UAP1: variants seen among roughly 807,000 people sequenced by gnomAD.
The protein encoded by UAP1 is UDP-N-acetylglucosamine pyrophosphorylase 1, also known as UDP-N-acetylhexosamine pyrophosphorylase.
Under a neutral mutation model 58.5 loss-of-function variants are expected in UAP1, and 25 were observed. The ratio of observed to expected loss-of-function variants is 0.43; its 90% CI spans 0.31 to 0.60. The LOEUF (loss-of-function observed/expected upper bound fraction) is 0.60. Among genes scored for constraint, UAP1 ranks in the 20% least tolerant of loss-of-function variants. The pLI is 0.11. For missense variants in UAP1, 575 were observed against 630.0 expected (o/e 0.91, Z 0.93); for synonymous variants, 208 against 213.0 (o/e 0.98, Z 0.21).
At chr1:162,595,845 A>T (rs1429948568) in intron 9 of UAP1, among the ~76,000 whole-genome samples, 7 of 151,920 alleles carry the variant, frequency 4.6e-5, no homozygotes, top group Non-Finnish European at 1.5e-5. Flanking sequence ...TTTATTTTTT[A>T]TTTATTATTG....
chr1:162,587,854 A>G (rs1654997529), intron 6 of UAP1, 186 bp downstream of exon 6: 2 of 580,948 alleles, frequency 3.4e-6, no homozygotes, highest in Middle Eastern at 5.0e-4. Context: ...TAAGGTGGGA[A>G]TCATCGGAGC....
chr1:162,591,899 C>T (rs993849526), intron 8 of UAP1, among the ~76,000 whole-genome samples: 1 of 152,010 alleles, frequency 6.6e-6, no homozygotes, highest in Admixed American at 6.6e-5. Flanking sequence ...ATACACCCGC[C>T]TTGGCCACCC....
intron 2 of UAP1, among the ~76,000 whole-genome samples, chr1:162,568,485 G>C (rs1280948868): frequency 1.3e-5 from 2 of 152,204 alleles, no homozygotes; most frequent in Admixed American, 6.5e-5. Context: ...AAAGAGTTTA[G>C]AAGTTTAAAA....
chr1:162,590,228 C>A, intron 7 of UAP1, 95 bp from the exon 8 acceptor site: 1 of 922,558 alleles, frequency 1.1e-6, no homozygotes, highest in Non-Finnish European at 1.6e-6. Context: ...AATAGGAAAG[C>A]CTATTGTTGA....
intron 2 of UAP1, among the ~76,000 whole-genome samples, chr1:162,572,089 TGTA>T (rs1272921819): frequency 5.3e-5 from 8 of 152,230 alleles, no homozygotes; most frequent in Non-Finnish European, 1.0e-4. Flanking sequence ...AGAGATGAGA[TGTA>T]AATGGATATC....
intron 1 of UAP1, among the ~76,000 whole-genome samples, chr1:162,564,357 A>C (rs1321247748): frequency 6.6e-6 from 1 of 152,214 alleles, no homozygotes; most frequent in African/African-American, 2.4e-5. Flanking sequence ...TAAGTGGCTC[A>C]GCTTAGCCTA....
chr1:162,590,736 T>C (rs994608027), intron 8 of UAP1, among the ~76,000 whole-genome samples: 4 of 152,156 alleles, frequency 2.6e-5, no homozygotes, highest in African/African-American at 7.2e-5. Flanking sequence ...CTTTTTTTAA[T>C]TTTTATTTTT....
chr1:162,579,484 A>G lies in UAP1; in HGVS notation c.542A>G (p.His181Arg), dbSNP rs951087637. Residue 181 changes from histidine to arginine, a missense_variant, in exon 4 of 11, where the codon CAC becomes CGC. Coordinates refer to ENST00000271469, the Ensembl canonical transcript of UAP1. ...TCTACAAAGGAGTTCTTCACCAAGC[A>G]CAAGTACTTTGGTTTAAAAAAAGAG... 3.1e-6 allele frequency: 5 copies of G among 1,611,286 alleles called. No individual in the cohort carries two copies. In the African/African-American group the frequency reaches 6.7e-5, roughly 22 times the overall value.
chr1:162,568,163 A>G (rs913301466), intron 2 of UAP1, among the ~76,000 whole-genome samples: 37 of 152,118 alleles, frequency 2.4e-4, no homozygotes, highest in African/African-American at 8.7e-4. Flanking sequence ...TATAGTCTAT[A>G]TTTACAACAT....
At chr1:162,579,591 T>G in exon 4 of UAP1, 1 of 1,590,510 alleles carries the variant, frequency 6.3e-7, no homozygotes, top group Non-Finnish European at 8.6e-7. Context: ...GAACAAAGTT[T>G]CTATGGCTCC....
rs576813379 is a variant in UAP1, at chr1:162,588,943, C to T, written c.1169+110C>T. 8 of 1,084,352 alleles carry T rather than the reference C, an allele frequency of 7.4e-6. No individual in the cohort carries two copies. The East Asian group carries it at 1.8e-4, about 25-fold the overall frequency. 67.2% of individuals were successfully genotyped at this position (1,084,352 alleles called of 1,614,324 possible). ...GAAACATTTGATAGCACATATCTCA[C>T]ATGGCATTTTGATTGTGAGTATGTA... On this transcript the variant is annotated intron_variant, in intron 7 of 10. Coordinates refer to ENST00000271469, the Ensembl canonical transcript of UAP1.
At chr1:162,599,452 G>A in exon 11 of UAP1, 1 of 823,340 alleles carries the variant, frequency 1.2e-6, no homozygotes, top group Non-Finnish European at 2.0e-6. Flanking sequence ...TTGGACAACT[G>A]AAGTTTAAAT....
intron 5 of UAP1, among the ~76,000 whole-genome samples, chr1:162,583,146 CTTTTTTTTTTT>C (rs11376471): frequency 4.4e-5 from 3 of 68,044 alleles, no homozygotes; most frequent in Non-Finnish European, 2.5e-5. Context: ...TGGTGTCACT[CTTTTTTTTTTT>C]TTTTTTTTTT....
intron 9 of UAP1, chr1:162,597,352 C>CT (rs1250463725): frequency 6.5e-6 from 1 of 154,584 alleles, no homozygotes; most frequent in Non-Finnish European, 1.4e-5. Context: ...GATAGTACAG[C>CT]TTTAGAATGT....
At chr1:162,579,307 G>A in intron 3 of UAP1, 121 bp from the exon 4 acceptor site, 1 of 664,594 alleles carries the variant, frequency 1.5e-6, no homozygotes. Flanking sequence ...AAATATGAAG[G>A]AAGTCAAAAT....
chr1:162,571,135 T>G (rs1293877782), intron 2 of UAP1, among the ~76,000 whole-genome samples: 1 of 151,724 alleles, frequency 6.6e-6, no homozygotes, highest in Non-Finnish European at 1.5e-5. Context: ...TTTGTTTGTT[T>G]GTTTGTTTTT....
intron 9 of UAP1, among the ~76,000 whole-genome samples, chr1:162,596,336 C>T (rs965279006): frequency 1.3e-5 from 2 of 151,156 alleles, no homozygotes; most frequent in Admixed American, 6.6e-5. Context: ...CCACCACACC[C>T]GGCTAATTTT....
intron 4 of UAP1, 116 bp from the exon 5 acceptor site, chr1:162,581,171 G>A: frequency 8.7e-7 from 1 of 1,145,200 alleles, no homozygotes; most frequent in Non-Finnish European, 1.2e-6. Flanking sequence ...CAGTTTTCTT[G>A]CCTTTGTAAA....
chr1:162,590,522 A>G lies in UAP1; in HGVS notation c.1358+11A>G, dbSNP rs751228246. 1.3e-6 allele frequency: 2 copies of G among 1,590,562 alleles called. No homozygotes were observed. Among genetic ancestry groups the G allele is most frequent in the Non-Finnish European group, 1.7e-6 (2 of 1,169,004 alleles). On this transcript the variant is annotated intron_variant, in intron 8 of 10. Transcript: ENST00000271469. ...TCCAGCAATTCCCCGGTAAGTCAGT[A>G]TCTTTTCTCTTTTGTATGAATCCTT...
Sources: allele counts gnomAD v4.1 joint callset (sites outside exome capture counted in the v4.1 genomes callset), GRCh38; gene constraint gnomAD v4.1.1; transcripts MANE v1.5; gene names NCBI Gene and HGNC (gene_info 2026-07-23, HGNC 2026-07-21).